Variants in ELAPOR2 observed in about 807,000 individuals in gnomAD.
ELAPOR2 encodes the protein endosome-lysosome associated apoptosis and autophagy regulator family member 2.
A neutral mutation model predicts 120.7 loss-of-function variants in ELAPOR2; 89 were observed. That is an observed-to-expected ratio of 0.74 (90% CI 0.62 to 0.88). The LOEUF is 0.88. ELAPOR2 is among the 40% of genes least tolerant of loss of function. ELAPOR2 has a pLI of 0.00. For synonymous variants in ELAPOR2, 444 were observed against 444.9 expected (o/e 1.00, Z 0.03); for missense variants, 1,134 against 1,251.6 (o/e 0.91, Z 1.42).
At chr7:86,925,297 C>T (rs142434019) in intron 10 of ELAPOR2, among the ~76,000 whole-genome samples, 7 of 152,004 alleles carry the variant, frequency 4.6e-5, no homozygotes, top group African/African-American at 1.7e-4. Flanking sequence ...GCATCTACTT[C>T]AATACTGCCT....
intron 1 of ELAPOR2, among the ~76,000 whole-genome samples, chr7:87,048,490 T>G (rs1241426196): frequency 6.6e-6 from 1 of 152,018 alleles, no homozygotes; most frequent in Non-Finnish European, 1.5e-5. Flanking sequence ...AAAGGTAGTG[T>G]GGGGGTTGGA....
At chr7:86,926,302 A>C (rs1057434364) in intron 9 of ELAPOR2, among the ~76,000 whole-genome samples, 5 of 151,656 alleles carry the variant, frequency 3.3e-5, no homozygotes, top group African/African-American at 1.2e-4. Flanking sequence ...TAGGGAAAGA[A>C]AATATTTCAC....
In ELAPOR2 at chr7:86,907,661, T is replaced by C; in HGVS notation, c.2558+9A>G. 1 of 1,522,302 alleles carries C rather than the reference T, an allele frequency of 6.6e-7. No homozygotes were observed. Among genetic ancestry groups the C allele is most frequent in the Non-Finnish European group, 8.9e-7 (1 of 1,128,488 alleles). 94.3% of individuals were successfully genotyped at this position (1,522,302 alleles called of 1,614,324 possible). A position where few individuals can be genotyped will look rare whatever the true frequency, so the allele number is the denominator to read the frequency against. ...ATGGTAAACACAAATCATATGGAAA[T>C]AAGGATACCTGGGGACTGAAATCAC... On this transcript the variant is annotated intron_variant, in intron 18 of 21. Transcript: ENST00000450689.
At chr7:86,990,919 T>C (rs1312781905) in intron 1 of ELAPOR2, among the ~76,000 whole-genome samples, 1 of 152,218 alleles carries the variant, frequency 6.6e-6, no homozygotes, top group Non-Finnish European at 1.5e-5. Context: ...AAGCATCTTA[T>C]GGCCACAAAG....
chr7:87,044,630 G>C (rs1345820479), intron 1 of ELAPOR2, among the ~76,000 whole-genome samples: 1 of 151,914 alleles, frequency 6.6e-6, no homozygotes, highest in Non-Finnish European at 1.5e-5. Context: ...AGACTTAAAT[G>C]TTGGACCTAA....
intron 1 of ELAPOR2, among the ~76,000 whole-genome samples, chr7:86,965,257 A>G (rs576065208): frequency 1.8e-4 from 28 of 152,198 alleles, no homozygotes; most frequent in African/African-American, 6.3e-4. Flanking sequence ...TCAGGTTGTG[A>G]CCATTATCCT....
chr7:87,031,711 G>A (rs1484733253), intron 1 of ELAPOR2, among the ~76,000 whole-genome samples: 1 of 152,122 alleles, frequency 6.6e-6, no homozygotes, highest in African/African-American at 2.4e-5. Context: ...TCACTAGTTA[G>A]TATTTAATGA....
chr7:86,912,671 C>T (rs1440661765), intron 14 of ELAPOR2, among the ~76,000 whole-genome samples: 2 of 152,126 alleles, frequency 1.3e-5, no homozygotes, highest in Non-Finnish European at 2.9e-5. Flanking sequence ...TGTACCTAAA[C>T]AATACACAAG....
At chr7:86,899,282 A>G (rs1788605284) in intron 18 of ELAPOR2, among the ~76,000 whole-genome samples, 1 of 152,154 alleles carries the variant, frequency 6.6e-6, no homozygotes, top group African/African-American at 2.4e-5. Context: ...CTATTTGGAC[A>G]GATTTTAGTA....
At chr7:86,921,562 C>G (rs1433317131) in intron 10 of ELAPOR2, among the ~76,000 whole-genome samples, 1 of 152,142 alleles carries the variant, frequency 6.6e-6, no homozygotes, top group African/African-American at 2.4e-5. Flanking sequence ...TTTCAGACTT[C>G]TGGCCTCTAG....
chr7:87,040,224 AG>A (rs1240812783), intron 1 of ELAPOR2, among the ~76,000 whole-genome samples: 6 of 152,382 alleles, frequency 3.9e-5, no homozygotes, highest in South Asian at 4.1e-4. Flanking sequence ...AGGCTTGCTT[AG>A]GTAAACAAAG....
At chr7:86,970,584 A>T (rs1030667811) in intron 1 of ELAPOR2, among the ~76,000 whole-genome samples, 1 of 152,192 alleles carries the variant, frequency 6.6e-6, no homozygotes, top group Non-Finnish European at 1.5e-5. Flanking sequence ...AGTTGCAATG[A>T]GTGTGCATGC....
chr7:86,936,924 T>C (rs1790585528), intron 8 of ELAPOR2, among the ~76,000 whole-genome samples: 1 of 152,104 alleles, frequency 6.6e-6, no homozygotes, highest in Non-Finnish European at 1.5e-5. Flanking sequence ...GATGAACTGA[T>C]TATTACATAA....
At chr7:87,020,482 C>T (rs1361831773) in intron 1 of ELAPOR2, among the ~76,000 whole-genome samples, 1 of 151,886 alleles carries the variant, frequency 6.6e-6, no homozygotes, top group Non-Finnish European at 1.5e-5. Flanking sequence ...GTGGATAAAC[C>T]TCTAAAATAC....
At chr7:86,986,053 C>A (rs1792718924) in intron 1 of ELAPOR2, among the ~76,000 whole-genome samples, 1 of 151,898 alleles carries the variant, frequency 6.6e-6, no homozygotes, top group Non-Finnish European at 1.5e-5. Flanking sequence ...GTTAGAAGTT[C>A]TGGCCAGGGC....
rs768974652 is a variant in ELAPOR2, at chr7:86,926,737, T to G, written c.1269A>C (p.Lys423Asn). Residue 423 changes from lysine to asparagine, a missense_variant and splice_region_variant, in exon 9 of 22, where the codon AAA becomes AAC. By Grantham distance (94) the Lys-to-Asn change is moderately conservative. Coordinates refer to ENST00000450689, the MANE Select transcript of ELAPOR2 (RefSeq NM_001142749.3). ...CPPGTFSDGT[K>N]ECRPCPAGTE... is the part of the protein sequence containing the mutation. ...TTATTGGACCAATTGACATCCTACC[T>G]TTGGTTCCATCTGAAAATGTTCCAG... is the stretch of plus-strand genomic sequence containing the variant. 6.2e-7 allele frequency: 1 copy of G among 1,605,624 alleles called. No individual in the cohort carries two copies. The highest frequency in any genetic ancestry group is 2.2e-5 in the East Asian group (1 of 44,590).
intron 18 of ELAPOR2, among the ~76,000 whole-genome samples, chr7:86,902,166 T>C (rs1224535480): frequency 6.7e-6 from 1 of 149,860 alleles, no homozygotes; most frequent in Non-Finnish European, 1.5e-5. Context: ...GGAGTCTTTT[T>C]TTGTTGTTTG....
At chr7:86,897,388 A>G in intron 19 of ELAPOR2, 118 bp downstream of exon 19, 1 of 1,249,408 alleles carries the variant, frequency 8.0e-7, no homozygotes, top group Non-Finnish European at 1.1e-6. Flanking sequence ...ATGCCTACCA[A>G]TGTAACATTA....
intron 10 of ELAPOR2, chr7:86,919,596 T>C (rs151124247): frequency 1.2e-5 from 3 of 243,832 alleles, no homozygotes; most frequent in Non-Finnish European, 2.4e-5. Flanking sequence ...AGATGGTCTC[T>C]ATCTACTCTA....
Sources: allele counts gnomAD v4.1 joint callset (sites outside exome capture counted in the v4.1 genomes callset), GRCh38; gene constraint gnomAD v4.1.1; transcripts MANE v1.5; gene names NCBI Gene and HGNC (gene_info 2026-07-23, HGNC 2026-07-21).